Variants in ADCY10 observed in about 807,000 individuals in gnomAD.
ADCY10 encodes the protein adenylate cyclase type 10.
Under a neutral mutation model 183.3 loss-of-function variants are expected in ADCY10, and 156 were observed. The ratio of observed to expected loss-of-function variants is 0.85; its 90% CI spans 0.75 to 0.97. The LOEUF (loss-of-function observed/expected upper bound fraction) is 0.97. Among genes scored for constraint, ADCY10 ranks in the 50% least tolerant of loss-of-function variants. The pLI is 0.00. For missense variants in ADCY10, 1,745 were observed against 1,934.3 expected (o/e 0.90, Z 1.84); for synonymous variants, 645 against 670.0 (o/e 0.96, Z 0.58).
Position 167,829,378 on chromosome 1 carries a change from G to T in ADCY10, c.3639C>A (p.Ser1213=). 6.2e-7 allele frequency: 1 copy of T among 1,614,166 alleles called. No individual in the cohort carries two copies. The highest frequency in any genetic ancestry group is 8.5e-7 in the Non-Finnish European group (1 of 1,179,988). ...TGTAGCTATAGATGCGCCACAGCAA[G>T]GAAAGGCAGACAGTTTGCCGGTAAA... ...AQLYRQTVCL[S]LLWRIYSYSY... The change falls in exon 26 of 33, where the codon TCC becomes TCA. Residue 1213 remains serine, a synonymous_variant. Coordinates refer to ENST00000367851, the MANE Select transcript of ADCY10 (RefSeq NM_018417.6).
rs538462140 is a variant in ADCY10 at position 167,853,830 on chromosome 1, C to CTTTTTTTTTT, written c.2308+513_2308+522dup. 2.0e-3 allele frequency among the ~76,000 whole-genome samples: 154 copies of CTTTTTTTTTT among 77,188 alleles called. 24 individuals are homozygous for CTTTTTTTTTT. The highest frequency in any genetic ancestry group is 6.4e-3 in the African/African-American group (116 of 18,130). 50.6% of individuals were successfully genotyped at this position (77,188 alleles called of 152,430 possible). ...TGTTCTTTCATTTCTACTATAGTTA[C>CTTTTTTTTTT]TTTTTTTTTTTTTTTTTTTTTTTTT... On this transcript the variant is annotated intron_variant, in intron 18 of 32. Transcript: ENST00000367851.
chr1:167,853,665 C>G (rs1049070857), intron 18 of ADCY10, among the ~76,000 whole-genome samples: 3 of 152,032 alleles, frequency 2.0e-5, no homozygotes, highest in African/African-American at 7.3e-5. Flanking sequence ...CAGATTTCAT[C>G]CCTGTATATA....
At position 167,846,172 on chromosome 1, in the gene ADCY10, C is replaced by T; in HGVS notation, c.2529G>A (p.Glu843=). 1 of 1,614,200 alleles carries T rather than the reference C, an allele frequency of 6.2e-7. No individual in the cohort carries two copies. Among genetic ancestry groups the T allele is most frequent in the East Asian group, 2.2e-5 (1 of 44,884 alleles). ...AAIIGLTFTT[E]LLFEILPCWN... ...AACAGGGGAGAATCTCAAACAACAACTCAGTGGTGAAGGTCAGGCCAATGA... is the reference window on the plus strand; with the variant it reads ...AACAGGGGAGAATCTCAAACAACAATTCAGTGGTGAAGGTCAGGCCAATGA... Residue 843 remains glutamate (E), a synonymous_variant, in exon 20 of 33, where the codon GAG becomes GAA. Transcript: ENST00000367851.
intron 19 of ADCY10, among the ~76,000 whole-genome samples, chr1:167,846,555 T>C (rs1430999669): frequency 6.6e-6 from 1 of 152,162 alleles, no homozygotes; most frequent in African/African-American, 2.4e-5. Flanking sequence ...GTGACAAGTG[T>C]GTGTGAGGAG....
rs751325393 is a variant in ADCY10, at chr1:167,880,551, G to A, written c.1079C>T (p.Thr360Ile). 2 of 1,614,184 alleles carry A rather than the reference G, an allele frequency of 1.2e-6. No individual in the cohort carries two copies. Among genetic ancestry groups the A allele is most frequent in the South Asian group, 1.1e-5 (1 of 91,076 alleles). The stretch of plus-strand genomic sequence containing the variant: ...ATCCATAGCACATTCCAGAGCATGA[G>A]TGAGCTCGTCAGGTACCTTTTCCCC... ...FPGEKVPDEL[T>I]HALECAMDIF... is the part of the protein sequence containing the mutation. The change falls in exon 10 of 33, where the codon ACT (threonine) becomes ATT (isoleucine). Residue 360 changes from threonine (T) to isoleucine (I), a missense_variant. Coordinates refer to ENST00000367851, the MANE Select transcript of ADCY10 (RefSeq NM_018417.6).
rs549067857 is a variant in ADCY10, at chr1:167,899,948, T to A, written c.437-320A>T. ...ATACTTAAGGGCAACAGGGAATACC[T>A]TTAATAATTCTTATTTTGGGAGAAT... On this transcript the variant is annotated intron_variant, in intron 5 of 32. Coordinates refer to ENST00000367851, the MANE Select transcript of ADCY10 (RefSeq NM_018417.6). 4.6e-5 allele frequency among the ~76,000 whole-genome samples: 7 copies of A among 152,346 alleles called. No homozygotes were observed. The South Asian group carries it at 1.4e-3, about 32-fold the overall frequency.
At chr1:167,902,177 A>G (rs1241484278) in intron 3 of ADCY10, 123 bp from the exon 4 acceptor site, 1 of 976,172 alleles carries the variant, frequency 1.0e-6, no homozygotes, top group Non-Finnish European at 1.6e-6. Context: ...ATAGGCTTAT[A>G]CTAAAGATCT....
chr1:167,841,502 CTTTTTTTT>C (rs71100905), intron 21 of ADCY10, among the ~76,000 whole-genome samples: 3 of 90,902 alleles, frequency 3.3e-5, no homozygotes, highest in Non-Finnish European at 1.9e-5. Context: ...ATATGCTTTC[CTTTTTTTT>C]TTTTTTTTTT....
At chr1:167,906,889 AT>A (rs1397494613) in intron 1 of ADCY10, among the ~76,000 whole-genome samples, 1 of 152,206 alleles carries the variant, frequency 6.6e-6, no homozygotes, top group Non-Finnish European at 1.5e-5. Flanking sequence ...ACCTAGAGGG[AT>A]TTTTAAAGGC....
rs1223956174 is a variant in ADCY10, at chr1:167,883,368, C to T, written c.1020+69G>A. On this transcript the variant is annotated intron_variant, in intron 9 of 32. Coordinates refer to ENST00000367851, the MANE Select transcript of ADCY10 (RefSeq NM_018417.6). The stretch of plus-strand genomic sequence containing the variant: ...GTTAAATTTCCTGTGTCTATTCTCA[C>T]CAATGTGCTTGTCCATGAATGCTAA... The T allele has an allele frequency of 7.1e-6, 11 of 1,545,546 alleles. No homozygotes were observed. In the African/African-American group the frequency reaches 8.2e-5, roughly 11 times the overall value.
At position 167,823,106 on chromosome 1, in the gene ADCY10, T is replaced by C. The variant is rs1417657752; in HGVS notation, c.4070A>G (p.Gln1357Arg). 1 of 1,614,066 alleles carries C rather than the reference T, an allele frequency of 6.2e-7. No homozygotes were observed. Among genetic ancestry groups the C allele is most frequent in the Admixed American group, 1.7e-5 (1 of 60,010 alleles). Residue 1357 changes from glutamine (Q) to arginine (R), a missense_variant, in exon 29 of 33, where the codon CAG becomes CGG. Coordinates refer to ENST00000367851, the MANE Select transcript of ADCY10 (RefSeq NM_018417.6). ...AAGCTCCCACAGCCGCCCCAGCACC[T>C]GGATCAATTGCGGGTATCTATGGAA... ...LLNSRYPQLI[Q>R]VLGRLWELSV...
intron 32 of ADCY10, among the ~76,000 whole-genome samples, chr1:167,810,171 G>C (rs1435885634): frequency 6.6e-6 from 1 of 152,212 alleles, no homozygotes; most frequent in African/African-American, 2.4e-5. Context: ...TGGCCACAAA[G>C]AAGGGCAGAG....
chr1:167,910,497 G>C (rs1054354876), intron 1 of ADCY10, among the ~76,000 whole-genome samples: 7 of 152,188 alleles, frequency 4.6e-5, no homozygotes, highest in African/African-American at 1.7e-4. Context: ...GGGGACATGG[G>C]TGTGTATGCA....
At position 167,880,552 on chromosome 1, in the gene ADCY10, T is replaced by C. The variant is rs1295781369; in HGVS notation, c.1078A>G (p.Thr360Ala). ...FPGEKVPDEL[T>A]HALECAMDIF... The stretch of plus-strand genomic sequence containing the variant: ...TCCATAGCACATTCCAGAGCATGAG[T>C]GAGCTCGTCAGGTACCTTTTCCCCA... Residue 360 changes from threonine (T) to alanine (A), a missense_variant, in exon 10 of 33, where the codon ACT becomes GCT. By Grantham distance (58) the Thr-to-Ala change is moderately conservative (BLOSUM62 0). Coordinates refer to ENST00000367851, the MANE Select transcript of ADCY10 (RefSeq NM_018417.6). 2 of 1,613,972 alleles carry C rather than the reference T, an allele frequency of 1.2e-6. No homozygotes were observed. Among genetic ancestry groups the C allele is most frequent in the South Asian group, 1.1e-5 (1 of 91,064 alleles).
In ADCY10 at chr1:167,867,997, T is replaced by C. The variant is rs116547241; in HGVS notation, c.1616+2260A>G. On this transcript the variant is annotated intron_variant, in intron 14 of 32. Transcript: ENST00000367851. ...AATTACAAATCCCTTAAACCCAAGG[T>C]AGAAAAAAAGAAGTACACGTATCTC... 7.5e-3 allele frequency among the ~76,000 whole-genome samples: 1,132 copies of C among 151,804 alleles called. 14 individuals are homozygous for C. Among genetic ancestry groups the C allele is most frequent in the African/African-American group, 0.026 (1,083 of 41,374 alleles).
intron 28 of ADCY10, 111 bp downstream of exon 28, chr1:167,824,365 C>G: frequency 5.6e-6 from 5 of 897,722 alleles, no homozygotes; most frequent in Non-Finnish European, 9.4e-6. Flanking sequence ...CATTTTCTTA[C>G]TGCAAACTCT....
intron 25 of ADCY10, among the ~76,000 whole-genome samples, chr1:167,832,145 G>A (rs949065443): frequency 1.1e-4 from 16 of 152,206 alleles, no homozygotes; most frequent in African/African-American, 3.9e-4. Flanking sequence ...ATCTTAGGCA[G>A]AACCTATAGT....
chr1:167,826,763 C>A (rs1054310680), intron 26 of ADCY10, among the ~76,000 whole-genome samples: 1 of 152,132 alleles, frequency 6.6e-6, no homozygotes, highest in Non-Finnish European at 1.5e-5. Flanking sequence ...AAGAAATTGT[C>A]AAATGGTAAT....
chr1:167,858,279 C>T (rs1202050615), intron 16 of ADCY10, among the ~76,000 whole-genome samples: 5 of 151,972 alleles, frequency 3.3e-5, no homozygotes, highest in African/African-American at 4.8e-5. Context: ...ATGGGCGGAT[C>T]ACAAGGTCAG....
Sources: allele counts gnomAD v4.1 joint callset (sites outside exome capture counted in the v4.1 genomes callset), GRCh38; gene constraint gnomAD v4.1.1; transcripts MANE v1.5; gene names NCBI Gene and HGNC (gene_info 2026-07-23, HGNC 2026-07-21).